The following CSNK2A1 variants were observed in gnomAD, a reference collection of about 807,000 sequenced individuals.
CSNK2A1 encodes casein kinase II subunit alpha.
A neutral mutation model predicts 62.9 loss-of-function variants in CSNK2A1; 10 were observed. That is an observed-to-expected ratio of 0.16 (90% CI 0.10 to 0.27). The LOEUF (loss-of-function observed/expected upper bound fraction) is 0.27, where lower values mean the gene tolerates loss of function less well. Ranked by LOEUF, CSNK2A1 falls within the 10% of genes least tolerant of loss-of-function variation. CSNK2A1 has a pLI of 1.00. For missense variants in CSNK2A1, 160 were observed against 492.0 expected (o/e 0.33, Z 6.38); for synonymous variants, 124 against 167.8 (o/e 0.74, Z 2.02).
intron 4 of CSNK2A1, chr20:504,186 A>G (rs757787171): frequency 6.6e-6 from 1 of 152,330 alleles, no homozygotes; most frequent in Non-Finnish European, 1.5e-5. Context: ...CTCAAAACAA[A>G]AACAAAAACA....
At position 525,507 on chromosome 20, in the gene CSNK2A1, T is replaced by C. The variant is rs1019974984; in HGVS notation, c.-110+2426A>G. The stretch of plus-strand genomic sequence containing the variant: ...CTCTACTAAAAATACAAAAATTAGC[T>C]GGGCATGGTGGCGGGCGCCTGTAAT... On this transcript the variant is annotated intron_variant, in intron 2 of 13. Coordinates refer to ENST00000217244, the MANE Select transcript of CSNK2A1 (RefSeq NM_177559.3). 1.4e-4 allele frequency among the ~76,000 whole-genome samples: 21 copies of C among 151,400 alleles called. No homozygotes were observed. In the East Asian group the frequency reaches 2.1e-3, roughly 15 times the overall value.
At chr20:494,798 T>C (rs1226494593) in intron 8 of CSNK2A1, 1 of 152,256 alleles carries the variant, frequency 6.6e-6, no homozygotes, top group East Asian at 1.9e-4. Context: ...CTGCTGCTCT[T>C]CCAACATGCC....
At chr20:484,700 G>T (rs1415796080) in intron 13 of CSNK2A1, among the ~76,000 whole-genome samples, 17 of 149,772 alleles carry the variant, frequency 1.1e-4, no homozygotes, top group African/African-American at 3.8e-4. Context: ...GTTTTTGTGT[G>T]TGTGTGTGTG....
chr20:507,817 T>C (rs1304372371), intron 3 of CSNK2A1: 1 of 152,222 alleles, frequency 6.6e-6, no homozygotes, highest in East Asian at 1.9e-4. Context: ...TGCCCTTGGC[T>C]TGATAAGCAA....
Position 508,435 on chromosome 20 carries a change from C to T in CSNK2A1, c.101+16G>A. The T allele has an allele frequency of 1.2e-6, 2 of 1,613,446 alleles. No homozygotes were observed. Among genetic ancestry groups the T allele is most frequent in the Non-Finnish European group, 1.7e-6 (2 of 1,179,690 alleles). Reference sequence around the variant, plus strand: ...GCCCTTTGAGTGAGTATAATGAAGTCAACAAAAACAATTACCCCCATTCCA... The same window carrying T: ...GCCCTTTGAGTGAGTATAATGAAGTTAACAAAAACAATTACCCCCATTCCA... On this transcript the variant is annotated intron_variant, in intron 3 of 13. Transcript: ENST00000217244.
intron 1 of CSNK2A1, among the ~76,000 whole-genome samples, chr20:533,296 C>T (rs2019251293): frequency 6.6e-6 from 1 of 152,194 alleles, no homozygotes; most frequent in Non-Finnish European, 1.5e-5. Context: ...CATAAATACT[C>T]TCAGTAATAC....
In CSNK2A1 at chr20:499,744, TG is replaced by T. The variant is rs1568518066; in HGVS notation, c.315+88del. On this transcript the variant is annotated intron_variant, in intron 5 of 13. Transcript: ENST00000217244. This position sits in a 1 kb window ranked among gnomAD's most constrained non-coding sequence, Gnocchi z 4.2. ...CAAAGCAGGACTTAATGATGAGGGT[TG>T]GGGGAGGGAACAAAAAGAGGCCAGT... 7.5e-6 allele frequency: 9 copies of T among 1,193,190 alleles called. No individual in the cohort carries two copies. The highest frequency in any genetic ancestry group is 1.1e-5 in the Non-Finnish European group (9 of 804,422). The allele number at this position is 1,193,190 out of a possible 1,614,324, so 73.9% of individuals were successfully genotyped here.
rs1356475331 is a variant in CSNK2A1 at position 474,156 on chromosome 20, ACGTATCCT to A, written c.*9797_*9804del. The stretch of plus-strand genomic sequence containing the variant: ...CTGCAGCCTCCAACTCCTGGGCTCA[ACGTATCCT>A]CCCACCCAGCCTCCCCAGTAGCTAG... On this transcript the variant is annotated 3_prime_UTR_variant, in exon 14 of 14. Transcript: ENST00000217244. 3.3e-5 allele frequency: 5 copies of A among 152,484 alleles called. No homozygotes were observed. The highest frequency in any genetic ancestry group is 1.2e-4 in the African/African-American group (5 of 41,578). 9.4% of individuals were successfully genotyped at this position (152,484 alleles called of 1,614,324 possible).
chr20:504,545 G>A (rs935234412), intron 4 of CSNK2A1: 3 of 152,170 alleles, frequency 2.0e-5, no homozygotes, highest in African/African-American at 7.2e-5. Context: ...ATAAATTTCT[G>A]GCTTTTATTT....
chr20:525,776 T>C (rs2019072534), intron 2 of CSNK2A1, among the ~76,000 whole-genome samples: 1 of 148,548 alleles, frequency 6.7e-6, no homozygotes, highest in African/African-American at 2.5e-5. Context: ...CTCAGGAGTT[T>C]GGAGACCAGC....
rs907727482 is a variant in CSNK2A1 at position 490,335 on chromosome 20, C to CTTTTTTT, written c.622-461_622-455dup. Among the ~76,000 whole-genome samples the CTTTTTTT allele has an allele frequency of 4.8e-3, 404 of 84,780 alleles. 4 individuals carry two copies. Among genetic ancestry groups the CTTTTTTT allele is most frequent in the African/African-American group, 7.1e-3 (130 of 18,192 alleles). The allele number at this position is 84,780 out of a possible 152,430, so 55.6% of individuals were successfully genotyped here. On this transcript the variant is annotated intron_variant, in intron 9 of 13. Transcript: ENST00000217244. The stretch of plus-strand genomic sequence containing the variant: ...ACCCACCGTGCCTGGCTAGTTTTTT[C>CTTTTTTT]TTTTTTTTTTTTTTTTAGTTTTTTT...
intron 9 of CSNK2A1, 28 bp from the exon 10 acceptor site, chr20:489,909 AT>A: frequency 6.4e-7 from 1 of 1,554,048 alleles, no homozygotes; most frequent in South Asian, 1.2e-5. Context: ...CACTGTTATT[AT>A]CTGTGAATCC....
intron 3 of CSNK2A1, 130 bp downstream of exon 3, chr20:508,321 A>G (rs1373880253): frequency 2.9e-6 from 3 of 1,027,988 alleles, no homozygotes; most frequent in Non-Finnish European, 4.1e-6. Flanking sequence ...TCAAAAGAAA[A>G]CACAAATTGG....
At chr20:511,954 G>A (rs548325561) in intron 2 of CSNK2A1, among the ~76,000 whole-genome samples, 4 of 152,222 alleles carry the variant, frequency 2.6e-5, no homozygotes, top group African/African-American at 7.2e-5. Flanking sequence ...AGCTGGGCAC[G>A]GTGGCTCACT....
In CSNK2A1 at chr20:508,589, T is replaced by C. The variant is rs2018653007; in HGVS notation, c.-38A>G. 1.3e-6 allele frequency: 2 copies of C among 1,583,322 alleles called. No homozygotes were observed. On this transcript the variant is annotated 5_prime_UTR_variant, in exon 3 of 14. Transcript: ENST00000217244. ...GGCGGACAAAGCTGGACTTGATGTT[T>C]GGAGATCTGGCAGTCACTGTGTTCA...
intron 1 of CSNK2A1, among the ~76,000 whole-genome samples, chr20:531,447 A>G (rs542270833): frequency 6.6e-6 from 1 of 152,344 alleles, no homozygotes; most frequent in South Asian, 2.1e-4. Flanking sequence ...TAAATTTACA[A>G]ATAATAAGAT....
Position 508,635 on chromosome 20 carries a change from C to G in CSNK2A1, c.-84G>C, listed in dbSNP as rs2018654499. ...GTTCAGAAGCAGCTGGGGGTAAGAC[C>G]TTGTTTCAGACCTGTTTTCTTCAAA... On this transcript the variant is annotated 5_prime_UTR_variant, in exon 3 of 14. Transcript: ENST00000217244. 10 of 1,365,574 alleles carry G rather than the reference C, an allele frequency of 7.3e-6. No homozygotes were observed. Among genetic ancestry groups the G allele is most frequent in the Non-Finnish European group, 9.2e-6 (9 of 980,746 alleles). 84.6% of individuals were successfully genotyped at this position (1,365,574 alleles called of 1,614,324 possible).
chr20:483,904 C>T lies in CSNK2A1; in HGVS notation c.*57G>A. 1.3e-6 allele frequency: 2 copies of T among 1,537,786 alleles called. No individual in the cohort carries two copies. The highest frequency in any genetic ancestry group is 2.2e-4 in the Middle Eastern group (1 of 4,456). Reference sequence around the variant, plus strand: ...CCTCCCCGCCAGGCGCAAGCTGCATCAAGGAGAGGGTGGACTCCCCCACCT... The same window carrying T: ...CCTCCCCGCCAGGCGCAAGCTGCATTAAGGAGAGGGTGGACTCCCCCACCT... On this transcript the variant is annotated 3_prime_UTR_variant, in exon 14 of 14. Transcript: ENST00000217244.
chr20:474,439 C>G lies in CSNK2A1; in HGVS notation c.*9522G>C, dbSNP rs2017808947. 6.6e-6 allele frequency: 1 copy of G among 152,140 alleles called. No individual in the cohort carries two copies. The highest frequency in any genetic ancestry group is 2.1e-4 in the South Asian group (1 of 4,826). The allele number at this position is 152,140 out of a possible 1,614,324, so 9.4% of individuals were successfully genotyped here. A position where few individuals can be genotyped will look rare whatever the true frequency, so the allele number is the denominator to read the frequency against. ...AGACCAGTTATCTGCTATGATACTC[C>G]AAGCAAGAGAGGATGGTGGCTGGGA... On this transcript the variant is annotated 3_prime_UTR_variant, in exon 14 of 14. Coordinates refer to ENST00000217244, the MANE Select transcript of CSNK2A1 (RefSeq NM_177559.3).
Sources: gnomAD v4.1 joint callset for allele counts (sites outside exome capture counted in the v4.1 genomes callset) on GRCh38, gnomAD v4.1.1 for gene constraint, Gnocchi (gnomAD v3.1) non-coding constraint, MANE v1.5 for transcripts, NCBI Gene and HGNC (gene_info 2026-07-23, HGNC 2026-07-21) for gene names.